CNTN1: variants seen among roughly 807,000 people sequenced by gnomAD.
The protein encoded by CNTN1 is contactin 1.
A neutral mutation model predicts 126.4 loss-of-function variants in CNTN1; 38 were observed. The ratio of observed to expected loss-of-function variants is 0.30; its 90% CI spans 0.23 to 0.39. CNTN1 has a LOEUF of 0.39. Ranked by LOEUF, CNTN1 falls within the 10% of genes least tolerant of loss-of-function variation. The pLI, the probability that CNTN1 is intolerant of heterozygous loss-of-function variation, is 1.00. For synonymous variants in CNTN1, 413 were observed against 422.6 expected (o/e 0.98, Z 0.28); for missense variants, 1,009 against 1,248.4 (o/e 0.81, Z 2.89).
At chr12:40,840,998 G>C (rs1942254712) in intron 1 of CNTN1, among the ~76,000 whole-genome samples, 1 of 151,184 alleles carries the variant, frequency 6.6e-6, no homozygotes, top group African/African-American at 2.4e-5. Flanking sequence ...CAATACAAAG[G>C]ATCAGTAAAA....
At chr12:40,995,181 T>G (rs1423370280) in intron 17 of CNTN1, among the ~76,000 whole-genome samples, 1 of 152,162 alleles carries the variant, frequency 6.6e-6, no homozygotes, top group Non-Finnish European at 1.5e-5. Flanking sequence ...CTTTAAGAGA[T>G]AGTTTACTTA....
At chr12:40,869,744 C>T (rs1392439884) in intron 1 of CNTN1, among the ~76,000 whole-genome samples, 1 of 151,934 alleles carries the variant, frequency 6.6e-6, no homozygotes, top group Non-Finnish European at 1.5e-5. Context: ...GGTTTGCAAA[C>T]CAAACACAAA....
intron 1 of CNTN1, among the ~76,000 whole-genome samples, chr12:40,702,619 T>A (rs1478289936): frequency 6.6e-6 from 1 of 152,104 alleles, no homozygotes; most frequent in Non-Finnish European, 1.5e-5. Flanking sequence ...TAATTTTTTG[T>A]ATTTTTAATA....
chr12:41,015,544 C>T (rs1474607776), intron 18 of CNTN1, among the ~76,000 whole-genome samples: 1 of 152,076 alleles, frequency 6.6e-6, no homozygotes, highest in Non-Finnish European at 1.5e-5. Flanking sequence ...TTAGGCTATA[C>T]TATCTAATAA....
At chr12:41,063,637 T>G (rs1219954347) in intron 23 of CNTN1, among the ~76,000 whole-genome samples, 1 of 152,220 alleles carries the variant, frequency 6.6e-6, no homozygotes, top group African/African-American at 2.4e-5. Context: ...CCCTGCTTCC[T>G]TGGCCAGAGT....
At chr12:40,986,686 A>C (rs278917) in intron 16 of CNTN1, among the ~76,000 whole-genome samples, 91,692 of 151,886 alleles carry the variant, frequency 0.6, 27,868 homozygotes, top group Admixed American at 0.63. Flanking sequence ...CTGTCCCTCA[A>C]GGGGAAGCAG....
chr12:40,865,366 A>G (rs1592176755), intron 1 of CNTN1, among the ~76,000 whole-genome samples: 1 of 151,940 alleles, frequency 6.6e-6, no homozygotes, highest in East Asian at 1.9e-4. Flanking sequence ...GTCTAATTCT[A>G]TTTTTGCTTT....
chr12:41,027,782 T>C, intron 21 of CNTN1, 75 bp from the exon 22 acceptor site: 3 of 890,524 alleles, frequency 3.4e-6, no homozygotes, highest in Non-Finnish European at 5.7e-6. Flanking sequence ...AGCATTATAA[T>C]ACCTGATGCA....
At chr12:40,887,981 A>G (rs1944103818) in intron 1 of CNTN1, among the ~76,000 whole-genome samples, 1 of 127,766 alleles carries the variant, frequency 7.8e-6, no homozygotes, top group Admixed American at 9.8e-5. Context: ...ACGTGGACAC[A>G]GGAAGGGGAA....
At chr12:41,008,565 C>T (rs1018157342) in intron 17 of CNTN1, among the ~76,000 whole-genome samples, 2 of 152,134 alleles carry the variant, frequency 1.3e-5, no homozygotes, top group African/African-American at 2.4e-5. Context: ...TAAATCTTTC[C>T]TGCAATTAAT....
rs181909461 is a variant in CNTN1, at chr12:40,968,523, G to T, written c.1804+9289G>T. On this transcript the variant is annotated intron_variant, in intron 15 of 23. Coordinates refer to ENST00000551295, the MANE Select transcript of CNTN1 (RefSeq NM_001843.4). The stretch of plus-strand genomic sequence containing the variant: ...CTCTTTGGCCTAAAAATAGGTAAAT[G>T]AAATTTTGATGTGTGTTTTCCTGCT... 5.6e-3 allele frequency among the ~76,000 whole-genome samples: 845 copies of T among 152,112 alleles called. 2 individuals are homozygous for T. The highest frequency in any genetic ancestry group is 8.1e-3 in the Non-Finnish European group (552 of 67,972).
chr12:41,058,556 A>G (rs1371021442), intron 23 of CNTN1, among the ~76,000 whole-genome samples: 2 of 152,186 alleles, frequency 1.3e-5, no homozygotes, highest in African/African-American at 4.8e-5. Flanking sequence ...TTTTATAAAT[A>G]AACTCCTGCA....
intron 1 of CNTN1, among the ~76,000 whole-genome samples, chr12:40,788,102 T>C (rs1273659234): frequency 6.6e-6 from 1 of 152,162 alleles, no homozygotes; most frequent in Non-Finnish European, 1.5e-5. Flanking sequence ...GGCATGAGCA[T>C]ATTTGCAGAA....
intron 1 of CNTN1, among the ~76,000 whole-genome samples, chr12:40,708,739 T>G (rs183732448): frequency 6.6e-6 from 1 of 152,324 alleles, no homozygotes; most frequent in Admixed American, 6.5e-5. Context: ...TCAACAATGT[T>G]CACAGCATCT....
At chr12:40,714,259 C>T (rs1592001855) in intron 1 of CNTN1, among the ~76,000 whole-genome samples, 1 of 151,958 alleles carries the variant, frequency 6.6e-6, no homozygotes, top group South Asian at 2.1e-4. Flanking sequence ...GCAGTTTGGG[C>T]ACTTCATGAA....
chr12:40,950,773 G>A (rs1158982298), intron 14 of CNTN1, among the ~76,000 whole-genome samples: 1 of 152,010 alleles, frequency 6.6e-6, no homozygotes, highest in Non-Finnish European at 1.5e-5. Context: ...ATGTTCCTGG[G>A]TGTGTTTTCA....
intron 23 of CNTN1, among the ~76,000 whole-genome samples, chr12:41,050,770 G>A (rs146506481): frequency 5.9e-5 from 9 of 152,136 alleles, no homozygotes; most frequent in East Asian, 3.9e-4. Flanking sequence ...AATTATAACC[G>A]GAAGTATGAG....
intron 1 of CNTN1, among the ~76,000 whole-genome samples, chr12:40,793,362 C>T (rs1456311996): frequency 6.6e-6 from 1 of 151,686 alleles, no homozygotes; most frequent in Non-Finnish European, 1.5e-5. Flanking sequence ...TGCTTTTTTC[C>T]CCTGTTAGTC....
intron 1 of CNTN1, among the ~76,000 whole-genome samples, chr12:40,838,845 G>T (rs908785040): frequency 5.3e-5 from 8 of 150,426 alleles, no homozygotes; most frequent in African/African-American, 1.9e-4. Context: ...TCAATGCAAG[G>T]ATACATGAAG....
Sources: gnomAD v4.1 joint callset for allele counts (sites outside exome capture counted in the v4.1 genomes callset) on GRCh38, gnomAD v4.1.1 for gene constraint, MANE v1.5 for transcripts, NCBI Gene and HGNC (gene_info 2026-07-23, HGNC 2026-07-21) for gene names.